Variants in COPS7A observed in about 807,000 individuals in gnomAD.
COPS7A encodes the protein COP9 signalosome complex subunit 7a.
Under a neutral mutation model 35.2 loss-of-function variants are expected in COPS7A, and 20 were observed. The observed-to-expected ratio is 0.57, with a 90% confidence interval of 0.40 to 0.83. The LOEUF is 0.83. Ranked by LOEUF, COPS7A falls within the 40% of genes least tolerant of loss-of-function variation. The pLI, the probability that COPS7A is intolerant of heterozygous loss-of-function variation, is 0.00. For synonymous variants in COPS7A, 139 were observed against 141.4 expected, an observed-to-expected ratio of 0.98 and a Z score of 0.12; for missense variants, 247 against 347.5, an observed-to-expected ratio of 0.71 and a Z score of 2.30.
At chr12:6,728,472 AT>A (rs1941311847) in intron 4 of COPS7A, among the ~76,000 whole-genome samples, 161 bp downstream of exon 4, 1 of 152,122 alleles carries the variant, frequency 6.6e-6, no homozygotes, top group African/African-American at 2.4e-5. Flanking sequence ...GGCTGATAGT[AT>A]TCTTAGTTTT....
At chr12:6,724,457 G>T (rs1480487047) in intron 1 of COPS7A, 157 bp from the exon 2 acceptor site, 6 of 668,702 alleles carry the variant, frequency 9.0e-6, no homozygotes, top group Non-Finnish European at 1.3e-5. Flanking sequence ...CGAAGTGGCT[G>T]ACTTTAGGAT....
In COPS7A at chr12:6,731,818, A is replaced by G. The variant is rs1368127322; in HGVS notation, c.*779A>G. On this transcript the variant is annotated 3_prime_UTR_variant, in exon 8 of 8. Transcript: ENST00000543155. The stretch of plus-strand genomic sequence containing the variant: ...AAAAAAGGTATATATGCATATATCT[A>G]TATATAATATGACGCAGAAATAAAT... 4 of 152,528 alleles carry G rather than the reference A, an allele frequency of 2.6e-5. No individual in the cohort carries two copies. The highest frequency in any genetic ancestry group is 4.1e-4 in the South Asian group (2 of 4,830). 9.4% of individuals were successfully genotyped at this position (152,528 alleles called of 1,614,324 possible).
chr12:6,730,932 G>A (rs898388055), intron 7 of COPS7A, 68 bp from the exon 8 acceptor site: 1 of 1,582,688 alleles, frequency 6.3e-7, no homozygotes, highest in Non-Finnish European at 8.6e-7. Context: ...GAGTGGGGGA[G>A]CCTCCAGGGG....
rs148232906 is a variant in COPS7A at position 6,730,982 on chromosome 12, C to T, written c.789-18C>T. 5 of 1,609,854 alleles carry T rather than the reference C, an allele frequency of 3.1e-6. No individual in the cohort carries two copies. Among genetic ancestry groups the T allele is most frequent in the African/African-American group, 1.3e-5 (1 of 74,958 alleles). Reference sequence around the variant, plus strand: ...GCATTCTCTCTCTCTCTCTCTTTCTCTCTCTTCTCCTTGCCAGGCTCCGAG... The same window carrying T: ...GCATTCTCTCTCTCTCTCTCTTTCTTTCTCTTCTCCTTGCCAGGCTCCGAG... On this transcript the variant is annotated intron_variant, in intron 7 of 7. Transcript: ENST00000543155.
intron 7 of COPS7A, 34 bp from the exon 8 acceptor site, chr12:6,730,966 C>T (rs1238757630): frequency 3.7e-6 from 6 of 1,601,152 alleles, no homozygotes; most frequent in Admixed American, 1.7e-5. Context: ...TGCATTCTCT[C>T]TCTCTCTCTC....
intron 2 of COPS7A, chr12:6,725,935 A>G (rs1161271211): frequency 2.2e-6 from 1 of 455,510 alleles, no homozygotes; most frequent in Non-Finnish European, 4.4e-6. Flanking sequence ...TCATGCCTGT[A>G]ATCCCAGCAC....
At chr12:6,728,155 G>C in intron 3 of COPS7A, 68 bp from the exon 4 acceptor site, 3 of 1,522,688 alleles carry the variant, frequency 2.0e-6, no homozygotes, top group Non-Finnish European at 2.7e-6. Flanking sequence ...TGGGAGGGAA[G>C]GGAAGGAGGC....
Position 6,730,514 on chromosome 12 carries a change from A to T in COPS7A, c.636+7A>T. 2 of 1,614,048 alleles carry T rather than the reference A, an allele frequency of 1.2e-6. No individual in the cohort carries two copies. Among genetic ancestry groups the T allele is most frequent in the Non-Finnish European group, 1.7e-6 (2 of 1,179,958 alleles). ...GCAGCAGATTGAGAGTGAGGTGAGCAGTCAGGGGAGCAGGCAGACCCAAAC... is the reference window on the plus strand; with the variant it reads ...GCAGCAGATTGAGAGTGAGGTGAGCTGTCAGGGGAGCAGGCAGACCCAAAC... On this transcript the variant is annotated splice_region_variant and intron_variant, in intron 6 of 7. Coordinates refer to ENST00000543155, the MANE Select transcript of COPS7A (RefSeq NM_001164094.2).
Position 6,729,164 on chromosome 12 carries a change from A to G in COPS7A, c.328-83A>G, listed in dbSNP as rs1941328918. 2 of 1,428,022 alleles carry G rather than the reference A, an allele frequency of 1.4e-6. No individual in the cohort carries two copies. The highest frequency in any genetic ancestry group is 4.6e-5 in the East Asian group (2 of 43,700). The allele number at this position is 1,428,022 out of a possible 1,614,324, so 88.5% of individuals were successfully genotyped here. A position where few individuals can be genotyped will look rare whatever the true frequency, so the allele number is the denominator to read the frequency against. On this transcript the variant is annotated intron_variant, in intron 4 of 7. Transcript: ENST00000543155. This position sits in a 1 kb window ranked among gnomAD's most constrained non-coding sequence, Gnocchi z 4.2. ...GAGTGGAGGGCAGGTGGGCTAGGGC[A>G]GGGGGAAAAGGAGGGAAGATTTTTG... is the stretch of plus-strand genomic sequence containing the variant.
In COPS7A at chr12:6,729,094, T is replaced by C. The variant is rs1163626097; in HGVS notation, c.328-153T>C. 1.5e-6 allele frequency: 1 copy of C among 659,682 alleles called. No homozygotes were observed. Among genetic ancestry groups the C allele is most frequent in the African/African-American group, 1.8e-5 (1 of 55,048 alleles). The allele number at this position is 659,682 out of a possible 1,614,324, so 40.9% of individuals were successfully genotyped here. A position where few individuals can be genotyped will look rare whatever the true frequency, so the allele number is the denominator to read the frequency against. The stretch of plus-strand genomic sequence containing the variant: ...TTTGAAGTGGGAATACTTTTATTTA[T>C]TTTGCTTTAGAACCAGCCTCTTAGA... On this transcript the variant is annotated intron_variant, in intron 4 of 7. Coordinates refer to ENST00000543155, the MANE Select transcript of COPS7A (RefSeq NM_001164094.2). This position sits in a 1 kb window ranked among gnomAD's most constrained non-coding sequence, Gnocchi z 4.2.
Position 6,724,080 on chromosome 12 carries a change from A to T in COPS7A, c.-143A>T. 1 of 221,332 alleles carries T rather than the reference A, an allele frequency of 4.5e-6. No homozygotes were observed. Among genetic ancestry groups the T allele is most frequent in the South Asian group, 4.5e-5 (1 of 22,322 alleles). 13.7% of individuals were successfully genotyped at this position (221,332 alleles called of 1,614,324 possible). On this transcript the variant is annotated 5_prime_UTR_variant, in exon 1 of 8. Transcript: ENST00000543155. ...AGCGACTCTTCAGGGAGGTGGCAGG[A>T]AAGGCTTGGAACAGCTGCCGGAGGT... is the stretch of plus-strand genomic sequence containing the variant.
chr12:6,727,330 C>T, intron 2 of COPS7A, among the ~76,000 whole-genome samples: 1 of 95,734 alleles, frequency 1.0e-5, no homozygotes, highest in Non-Finnish European at 1.9e-5. Context: ...GAGGGAGACT[C>T]TGTCTCAAAA....
At chr12:6,728,148 G>A in intron 3 of COPS7A, 75 bp from the exon 4 acceptor site, 3 of 1,496,044 alleles carry the variant, frequency 2.0e-6, no homozygotes, top group Admixed American at 1.7e-5. Context: ...TTGAAAGTGG[G>A]AGGGAAGGGA....
chr12:6,729,294 G>A lies in COPS7A; in HGVS notation c.375G>A (p.Val125=), dbSNP rs1941333941. The A allele has an allele frequency of 1.2e-6, 2 of 1,614,132 alleles. No homozygotes were observed. Among genetic ancestry groups the A allele is most frequent in the Non-Finnish European group, 1.7e-6 (2 of 1,180,022 alleles). Residue 125 remains valine (V), a synonymous_variant, in exon 5 of 8, where the codon GTG becomes GTA. Transcript: ENST00000543155. The surrounding 1 kb of genome is among the most constrained non-coding windows in gnomAD (Gnocchi z 4.2). The part of the protein sequence containing the change: ...VLLEALALRN[V]RQLEDLVIEA... ...TGGAGGCTCTTGCCCTGCGTAATGTGCGGCAGCTGGAAGACCTTGTGATTG... is the reference window on the plus strand; with the variant it reads ...TGGAGGCTCTTGCCCTGCGTAATGTACGGCAGCTGGAAGACCTTGTGATTG...
rs761609052 is a variant in COPS7A at position 6,729,200 on chromosome 12, T to C, written c.328-47T>C. 6.2e-7 allele frequency: 1 copy of C among 1,600,514 alleles called. No individual in the cohort carries two copies. The highest frequency in any genetic ancestry group is 1.1e-5 in the South Asian group (1 of 90,802). The stretch of plus-strand genomic sequence containing the variant: ...GAGGGAAGATTTTTGGAAGCCCTTC[T>C]CTACTACGGAGCGTCACAAATCCTG... On this transcript the variant is annotated intron_variant, in intron 4 of 7. Coordinates refer to ENST00000543155, the MANE Select transcript of COPS7A (RefSeq NM_001164094.2). This position sits in a 1 kb window ranked among gnomAD's most constrained non-coding sequence, Gnocchi z 4.2.
rs1371961005 is a variant in COPS7A at position 6,724,680 on chromosome 12, A to G, written c.24A>G (p.Thr8=). 1.9e-6 allele frequency: 3 copies of G among 1,613,988 alleles called. No individual in the cohort carries two copies. Among genetic ancestry groups the G allele is most frequent in the Non-Finnish European group, 2.5e-6 (3 of 1,180,018 alleles). Residue 8 remains threonine, a synonymous_variant, in exon 2 of 8, where the codon ACA becomes ACG. Coordinates refer to ENST00000543155, the MANE Select transcript of COPS7A (RefSeq NM_001164094.2). The part of the protein sequence containing the change: MSAEVKV[T]GQNQEQFLLL... Reference sequence around the variant, plus strand: ...TGATGAGTGCGGAAGTGAAGGTGACAGGGCAGAACCAGGAGCAATTTCTGC... The same window carrying G: ...TGATGAGTGCGGAAGTGAAGGTGACGGGGCAGAACCAGGAGCAATTTCTGC...
rs552152757 is a variant in COPS7A, at chr12:6,731,344, G to A, written c.*305G>A. 72 of 1,406,370 alleles carry A rather than the reference G, an allele frequency of 5.1e-5. No individual in the cohort carries two copies. In the South Asian group the frequency reaches 1.1e-3, roughly 21 times the overall value. 87.1% of individuals were successfully genotyped at this position (1,406,370 alleles called of 1,614,324 possible). ...CCTGTTCATTACATGTCATTGAGTA[G>A]GTGGGTAGCCCTGATGGGGGTCGCT... is the stretch of plus-strand genomic sequence containing the variant. On this transcript the variant is annotated 3_prime_UTR_variant, in exon 8 of 8. Coordinates refer to ENST00000543155, the MANE Select transcript of COPS7A (RefSeq NM_001164094.2).
intron 1 of COPS7A, 156 bp downstream of exon 1, chr12:6,724,335 A>T (rs756471957): frequency 1.4e-4 from 65 of 458,228 alleles, no homozygotes; most frequent in South Asian, 1.0e-3. Flanking sequence ...GTCAGGGTGG[A>T]CACCATGCGA....
intron 5 of COPS7A, among the ~76,000 whole-genome samples, chr12:6,730,156 A>C (rs1293550907): frequency 6.6e-6 from 1 of 152,212 alleles, no homozygotes; most frequent in African/African-American, 2.4e-5. Flanking sequence ...GCACGGGACT[A>C]CAGGCTCGTG....
Sources: gnomAD v4.1 joint callset for allele counts (sites outside exome capture counted in the v4.1 genomes callset) on GRCh38, gnomAD v4.1.1 for gene constraint, Gnocchi (gnomAD v3.1) non-coding constraint, MANE v1.5 for transcripts, NCBI Gene and HGNC (gene_info 2026-07-23, HGNC 2026-07-21) for gene names.